ERO1A: variants seen among roughly 807,000 people sequenced by gnomAD.
ERO1A encodes the protein ERO1-like protein alpha.
ERO1A carries 49 observed loss-of-function variants against 76.9 expected under a neutral mutation model. The observed-to-expected ratio is 0.64, with a 90% CI of 0.51 to 0.81. The LOEUF (loss-of-function observed/expected upper bound fraction) is 0.81, where lower values mean the gene tolerates loss of function less well. ERO1A is among the 30% of genes least tolerant of loss of function. The pLI, the probability that ERO1A is intolerant of heterozygous loss-of-function variation, is 0.00. For missense variants in ERO1A, 448 were observed against 542.1 expected, an observed-to-expected ratio of 0.83 and a Z score of 1.72; for synonymous variants, 174 against 181.2, an observed-to-expected ratio of 0.96 and a Z score of 0.32.
chr14:52,650,077 G>C (rs905955204), intron 13 of ERO1A, among the ~76,000 whole-genome samples: 1 of 151,712 alleles, frequency 6.6e-6, no homozygotes, highest in Non-Finnish European at 1.5e-5. Flanking sequence ...AAGTTAGCAG[G>C]GCATAGTGGT....
At chr14:52,669,725 CAG>C (rs34884108) in intron 6 of ERO1A, among the ~76,000 whole-genome samples, 49,419 of 151,876 alleles carry the variant, frequency 0.33, 8,098 homozygotes, top group East Asian at 0.44. Context: ...GTTCAGTTTT[CAG>C]AGTTTCCAGA....
At position 52,695,352 on chromosome 14, in the gene ERO1A, C is replaced by A; in HGVS notation, c.114+16G>T. 1 of 1,420,160 alleles carries A rather than the reference C, an allele frequency of 7.0e-7. No individual in the cohort carries two copies. The highest frequency in any genetic ancestry group is 9.3e-7 in the Non-Finnish European group (1 of 1,073,188). The allele number at this position is 1,420,160 out of a possible 1,614,324, so 88.0% of individuals were successfully genotyped here. ...AGGGCGCCGGGACCCTCAGCACCAA[C>A]GCGCACATCGCTCACCTGGCAGAAG... On this transcript the variant is annotated intron_variant, in intron 1 of 15. Transcript: ENST00000395686.
intron 1 of ERO1A, among the ~76,000 whole-genome samples, chr14:52,689,943 A>C (rs1263322122): frequency 6.6e-6 from 1 of 152,156 alleles, no homozygotes; most frequent in Admixed American, 6.5e-5. Context: ...ACATAGACCA[A>C]TGGAAAACAA....
chr14:52,653,714 A>G (rs986026727), intron 11 of ERO1A, among the ~76,000 whole-genome samples: 52 of 152,042 alleles, frequency 3.4e-4, no homozygotes, highest in African/African-American at 1.3e-3. Flanking sequence ...AAAATGTACA[A>G]TTAAGTTGCT....
chr14:52,647,142 A>ATTTTTTTTTTTTTT (rs58456682), intron 13 of ERO1A: 1 of 62,206 alleles, frequency 1.6e-5, no homozygotes, highest in African/African-American at 6.3e-5. Flanking sequence ...CGCCCAGCTA[A>ATTTTTTTTTTTTTT]TTTTTTTTTT....
chr14:52,682,496 T>C, intron 2 of ERO1A, 88 bp from the exon 3 acceptor site: 1 of 968,224 alleles, frequency 1.0e-6, no homozygotes, highest in Non-Finnish European at 1.6e-6. Flanking sequence ...TATAACTTGG[T>C]CATGTTATCA....
intron 4 of ERO1A, among the ~76,000 whole-genome samples, chr14:52,678,041 G>A (rs936914398): frequency 1.3e-5 from 2 of 152,086 alleles, no homozygotes; most frequent in Non-Finnish European, 1.5e-5. Context: ...CAAGACGGGC[G>A]GATCACCAGA....
intron 4 of ERO1A, 69 bp downstream of exon 4, chr14:52,678,365 T>C (rs777160500): frequency 3.7e-5 from 47 of 1,271,608 alleles, no homozygotes; most frequent in Non-Finnish European, 5.2e-5. Context: ...GGATAGTAGG[T>C]ACAACGGAAA....
intron 13 of ERO1A, among the ~76,000 whole-genome samples, chr14:52,647,550 CTTTT>C (rs1239764943): frequency 6.6e-6 from 1 of 151,962 alleles, no homozygotes; most frequent in Non-Finnish European, 1.5e-5. Context: ...GCATTGTTCC[CTTTT>C]TGTTTTTATG....
intron 7 of ERO1A, among the ~76,000 whole-genome samples, chr14:52,666,056 G>T (rs1300241375): frequency 2.6e-5 from 4 of 152,182 alleles, no homozygotes; most frequent in Non-Finnish European, 2.9e-5. Context: ...CACTGCCACT[G>T]TGTGATCTTG....
chr14:52,690,992 C>G (rs1405071084), intron 1 of ERO1A, among the ~76,000 whole-genome samples: 3 of 152,108 alleles, frequency 2.0e-5, no homozygotes, highest in Non-Finnish European at 4.4e-5. Flanking sequence ...GTCTCGAACC[C>G]CCAACCTCAG....
Position 52,640,838 on chromosome 14 carries a change from G to A in ERO1A, c.*2732C>T, listed in dbSNP as rs2039445448. On this transcript the variant is annotated 3_prime_UTR_variant, in exon 16 of 16. Transcript: ENST00000395686. ...CAGGCATTAGAGTAGGTTTTGCAGA[G>A]AATGAATGTTTTAAGACACACACAG... is the stretch of plus-strand genomic sequence containing the variant. 6.6e-6 allele frequency: 1 copy of A among 152,304 alleles called. No individual in the cohort carries two copies. The highest frequency in any genetic ancestry group is 3.4e-3 in the Middle Eastern group (1 of 294). 9.4% of individuals were successfully genotyped at this position (152,304 alleles called of 1,614,324 possible). A position where few individuals can be genotyped will look rare whatever the true frequency, so the allele number is the denominator to read the frequency against.
chr14:52,666,879 C>T lies in ERO1A; in HGVS notation c.509-384G>A, dbSNP rs140459747. On this transcript the variant is annotated intron_variant, in intron 6 of 15. Transcript: ENST00000395686. ...CCGGGAGGCGGAGGTTGCAGTGAGC[C>T]GAGATTGCGCCACTGTGCTCCAGCT... is the stretch of plus-strand genomic sequence containing the variant. Among the ~76,000 whole-genome samples, 569 of 152,184 alleles carry T rather than the reference C, an allele frequency of 3.7e-3. 4 individuals carry two copies. Among genetic ancestry groups the T allele is most frequent in the Admixed American group, 0.015 (226 of 15,284 alleles).
chr14:52,653,633 G>A (rs2039950030), intron 11 of ERO1A, among the ~76,000 whole-genome samples: 1 of 151,652 alleles, frequency 6.6e-6, no homozygotes, highest in South Asian at 2.1e-4. Flanking sequence ...TTTGATACAG[G>A]CATATAATTT....
At chr14:52,674,045 G>A (rs1293894310) in intron 4 of ERO1A, among the ~76,000 whole-genome samples, 1 of 152,114 alleles carries the variant, frequency 6.6e-6, no homozygotes, top group South Asian at 2.1e-4. Context: ...CCAGAACATT[G>A]CTGTTATAAA....
chr14:52,691,193 TA>T (rs1190512853), intron 1 of ERO1A, among the ~76,000 whole-genome samples: 2 of 152,092 alleles, frequency 1.3e-5, no homozygotes, highest in South Asian at 2.1e-4. Context: ...TTTATCACCA[TA>T]AAAAAATAAC....
intron 1 of ERO1A, among the ~76,000 whole-genome samples, chr14:52,689,338 A>T (rs547075627): frequency 1.3e-3 from 204 of 152,358 alleles, no homozygotes; most frequent in Non-Finnish European, 2.6e-3. Context: ...GTATCCAAAT[A>T]AAAAATACGT....
At chr14:52,695,114 A>G (rs2041505526) in intron 1 of ERO1A, among the ~76,000 whole-genome samples, 1 of 152,098 alleles carries the variant, frequency 6.6e-6, no homozygotes, top group East Asian at 1.9e-4. Flanking sequence ...GCATAAACCC[A>G]CTCAACCGCG....
intron 2 of ERO1A, among the ~76,000 whole-genome samples, chr14:52,683,535 C>A (rs925857099): frequency 6.6e-6 from 1 of 152,124 alleles, no homozygotes; most frequent in Non-Finnish European, 1.5e-5. Flanking sequence ...ATTTTGATAA[C>A]AATATATAAT....
Sources: allele counts gnomAD v4.1 joint callset (sites outside exome capture counted in the v4.1 genomes callset), GRCh38; gene constraint gnomAD v4.1.1; transcripts MANE v1.5; gene names NCBI Gene and HGNC (gene_info 2026-07-23, HGNC 2026-07-21).